MARK3: variants seen among roughly 807,000 people sequenced by gnomAD.
MARK3 encodes MAP/microtubule affinity-regulating kinase 3.
In MARK3, 46 loss-of-function variants were observed where a neutral mutation model predicts 90.1. That is an observed-to-expected ratio of 0.51 (90% CI 0.40 to 0.65). The LOEUF (loss-of-function observed/expected upper bound fraction) is 0.65. MARK3 is among the 30% of genes least tolerant of loss of function. The pLI is 0.00. For missense variants in MARK3, 818 were observed against 947.2 expected (o/e 0.86, Z 1.79); for synonymous variants, 321 against 332.6 (o/e 0.97, Z 0.38).
At chr14:103,395,552 A>G (rs767207302) in intron 1 of MARK3, among the ~76,000 whole-genome samples, 2 of 152,074 alleles carry the variant, frequency 1.3e-5, no homozygotes, top group Admixed American at 6.5e-5. Context: ...CCCATATCCT[A>G]GGGATTCCCT....
intron 5 of MARK3, among the ~76,000 whole-genome samples, chr14:103,456,554 A>T (rs2093282512): frequency 6.6e-6 from 1 of 152,184 alleles, no homozygotes; most frequent in Non-Finnish European, 1.5e-5. Flanking sequence ...ACACAGGCTC[A>T]CTTGTCTGTC....
intron 5 of MARK3, among the ~76,000 whole-genome samples, chr14:103,452,836 T>C (rs1250539074): frequency 1.3e-5 from 2 of 152,232 alleles, no homozygotes; most frequent in Non-Finnish European, 2.9e-5. Flanking sequence ...ATCCATGCTG[T>C]AGCATGTGTC....
chr14:103,449,051 G>C, intron 4 of MARK3, 84 bp downstream of exon 4: 2 of 1,348,080 alleles, frequency 1.5e-6, no homozygotes, highest in Non-Finnish European at 2.1e-6. Context: ...TTCTAGAAAT[G>C]GTAGAGTACA....
chr14:103,439,145 T>A (rs1305523388), intron 3 of MARK3, among the ~76,000 whole-genome samples: 1 of 152,184 alleles, frequency 6.6e-6, no homozygotes, highest in African/African-American at 2.4e-5. Flanking sequence ...GAATGTTCCA[T>A]GTTTAGCATA....
At chr14:103,501,342 A>G (rs541845369) in intron 17 of MARK3, among the ~76,000 whole-genome samples, 1 of 152,268 alleles carries the variant, frequency 6.6e-6, no homozygotes, top group South Asian at 2.1e-4. Flanking sequence ...CACCCATAAT[A>G]GGAAGGTGAC....
chr14:103,455,045 A>T (rs1424696485), intron 5 of MARK3, among the ~76,000 whole-genome samples: 1 of 152,238 alleles, frequency 6.6e-6, no homozygotes, highest in East Asian at 1.9e-4. Context: ...CCTGGTTTAA[A>T]AGTTGAACTC....
At chr14:103,481,845 C>T (rs2093829027) in intron 14 of MARK3, among the ~76,000 whole-genome samples, 1 of 127,572 alleles carries the variant, frequency 7.8e-6, no homozygotes, top group Non-Finnish European at 1.6e-5. Context: ...CGGCTCACTG[C>T]AAGCTCCGCC....
intron 15 of MARK3, among the ~76,000 whole-genome samples, chr14:103,494,571 G>A (rs2075227761): frequency 7.1e-6 from 1 of 141,094 alleles, no homozygotes; most frequent in Non-Finnish European, 1.5e-5. Context: ...AAAAAGACTA[G>A]CATTGATTTT....
chr14:103,493,258 A>ATTTTTTTTTTTTTTTTTAAT (rs10678432), intron 15 of MARK3, among the ~76,000 whole-genome samples: 2 of 105,374 alleles, frequency 1.9e-5, no homozygotes, highest in African/African-American at 7.1e-5. Flanking sequence ...TTTTTTTTTA[A>ATTTTTTTTTTTTTTTTTAAT]TTTTTTTTTT....
chr14:103,446,710 CTTTTT>C (rs746523547), intron 3 of MARK3, among the ~76,000 whole-genome samples: 7 of 98,052 alleles, frequency 7.1e-5, no homozygotes, highest in African/African-American at 2.7e-4. Context: ...AGATTGTTGT[CTTTTT>C]TTTTTTTTTT....
At chr14:103,467,526 T>G (rs2093531758) in intron 11 of MARK3, 1 of 169,544 alleles carries the variant, frequency 5.9e-6, no homozygotes, top group African/African-American at 2.4e-5. Context: ...AAACAAAAAA[T>G]TAGCTGGGCG....
In MARK3 at chr14:103,412,491, G is replaced by GT. The variant is rs1291297626; in HGVS notation, c.243+7231dup. The stretch of plus-strand genomic sequence containing the variant: ...TTCTTGACCAGATTCTTATTCTTGA[G>GT]TTTTTTTGGCACCTCAGTGTCCACT... On this transcript the variant is annotated intron_variant, in intron 2 of 17. Coordinates refer to ENST00000429436, the MANE Select transcript of MARK3 (RefSeq NM_001128918.3). 22 of 506,502 alleles carry GT rather than the reference G, an allele frequency of 4.3e-5. 1 individual carries two copies. The highest frequency in any genetic ancestry group is 3.1e-4 in the South Asian group (15 of 48,866). 31.4% of individuals were successfully genotyped at this position (506,502 alleles called of 1,614,324 possible).
chr14:103,413,581 C>A (rs1279968975), intron 2 of MARK3, among the ~76,000 whole-genome samples: 1 of 150,862 alleles, frequency 6.6e-6, no homozygotes. Context: ...CAGTACCGCA[C>A]CTGGCTTATT....
chr14:103,451,899 G>A lies in MARK3; in HGVS notation c.347-19G>A. The A allele has an allele frequency of 1.3e-6, 2 of 1,588,250 alleles. No individual in the cohort carries two copies. The highest frequency in any genetic ancestry group is 1.1e-5 in the South Asian group (1 of 88,612). On this transcript the variant is annotated intron_variant, in intron 4 of 17. Transcript: ENST00000429436. The stretch of plus-strand genomic sequence containing the variant: ...AGACATTTGTCTCTTTTTCTTCCGT[G>A]TCCTCTCCTCTCCCGCAGTGAAGTT...
At chr14:103,445,922 G>C (rs1478536642) in intron 3 of MARK3, among the ~76,000 whole-genome samples, 5 of 152,204 alleles carry the variant, frequency 3.3e-5, no homozygotes, top group Non-Finnish European at 5.9e-5. Context: ...GAATGCTGAG[G>C]CTGGCTCAGA....
intron 3 of MARK3, among the ~76,000 whole-genome samples, chr14:103,432,705 A>G (rs2092617114): frequency 6.6e-6 from 1 of 152,016 alleles, no homozygotes; most frequent in African/African-American, 2.4e-5. Flanking sequence ...AAATTAAATA[A>G]ATTAACCAGG....
chr14:103,434,166 T>C (rs2092659595), intron 3 of MARK3, among the ~76,000 whole-genome samples: 1 of 152,194 alleles, frequency 6.6e-6, no homozygotes, highest in South Asian at 2.1e-4. Flanking sequence ...ATCATGAGGA[T>C]CACACCAAGC....
At chr14:103,447,810 T>C (rs1186842006) in intron 3 of MARK3, among the ~76,000 whole-genome samples, 1 of 152,034 alleles carries the variant, frequency 6.6e-6, no homozygotes, top group African/African-American at 2.4e-5. Flanking sequence ...GGGTCTCGCT[T>C]TGTCGCCCAG....
At chr14:103,429,992 TA>T (rs1370618077) in intron 3 of MARK3, among the ~76,000 whole-genome samples, 4 of 152,330 alleles carry the variant, frequency 2.6e-5, no homozygotes, top group East Asian at 3.9e-4. Context: ...TATTTTATTT[TA>T]TTTTTTTGGT....
Sources: allele counts gnomAD v4.1 joint callset (sites outside exome capture counted in the v4.1 genomes callset), GRCh38; gene constraint gnomAD v4.1.1; transcripts MANE v1.5; gene names NCBI Gene and HGNC (gene_info 2026-07-23, HGNC 2026-07-21).